The following JMY variants were observed in gnomAD, a reference collection of about 807,000 sequenced individuals.
JMY encodes junction-mediating and -regulatory protein.
Under a neutral mutation model 103.3 loss-of-function variants are expected in JMY, and 46 were observed. The observed-to-expected ratio is 0.45, with a 90% confidence interval of 0.35 to 0.57. The LOEUF is 0.57. JMY is among the 20% of genes least tolerant of loss of function. The pLI is 0.00. For synonymous variants in JMY, 526 were observed against 489.3 expected (o/e 1.07, Z -0.99); for missense variants, 1,238 against 1,255.2 (o/e 0.99, Z 0.21).
In JMY at chr5:79,237,053, G is replaced by T. The variant is rs1561284076; in HGVS notation, c.403G>T (p.Gly135Trp). 6.6e-7 allele frequency: 1 copy of T among 1,526,698 alleles called. No homozygotes were observed. The highest frequency in any genetic ancestry group is 2.1e-5 in the Admixed American group (1 of 48,226). 94.6% of individuals were successfully genotyped at this position (1,526,698 alleles called of 1,614,324 possible). Residue 135 changes from glycine to tryptophan, a missense_variant, in exon 1 of 11, where the codon GGG becomes TGG. By Grantham distance (184) the Gly-to-Trp change is radical (BLOSUM62 -2). Transcript: ENST00000396137. ...GCGGCTGCGGAGTCCTGGCAGCAAAGGGGCGGAGAGTCGTCTTAGGAGCCC... is the reference window on the plus strand; with the variant it reads ...GCGGCTGCGGAGTCCTGGCAGCAAATGGGCGGAGAGTCGTCTTAGGAGCCC... ...DPRLRSPGSK[G>W]AESRLRSPVR...
intron 1 of JMY, among the ~76,000 whole-genome samples, chr5:79,249,739 C>T (rs997386746): frequency 2.6e-5 from 4 of 152,078 alleles, no homozygotes; most frequent in African/African-American, 9.7e-5. Context: ...TTCAAGTTTT[C>T]CTTTTGTATT....
chr5:79,253,577 C>T (rs1448345230), intron 1 of JMY, among the ~76,000 whole-genome samples: 1 of 152,192 alleles, frequency 6.6e-6, no homozygotes, highest in Non-Finnish European at 1.5e-5. Context: ...TAGGCGTGAG[C>T]CACCGCCCAG....
At chr5:79,245,337 A>G (rs1744856283) in intron 1 of JMY, among the ~76,000 whole-genome samples, 1 of 152,188 alleles carries the variant, frequency 6.6e-6, no homozygotes. Flanking sequence ...AAAATTGGTC[A>G]TGAAGTCATC....
intron 1 of JMY, among the ~76,000 whole-genome samples, chr5:79,254,819 A>C (rs1257314330): frequency 6.7e-6 from 1 of 149,264 alleles, no homozygotes; most frequent in East Asian, 1.9e-4. Context: ...CTGCAGTCAC[A>C]CTTCATTGTT....
At chr5:79,315,019 C>T (rs562137339) in intron 9 of JMY, among the ~76,000 whole-genome samples, 168 bp downstream of exon 9, 2 of 152,270 alleles carry the variant, frequency 1.3e-5, no homozygotes, top group South Asian at 2.1e-4. Context: ...ATAAAGTACA[C>T]AGAAATGTAT....
chr5:79,292,758 G>C (rs1429378410), intron 4 of JMY, among the ~76,000 whole-genome samples: 1 of 152,168 alleles, frequency 6.6e-6, no homozygotes, highest in Non-Finnish European at 1.5e-5. Flanking sequence ...GAGGAAAAAC[G>C]AGCATGAAAT....
chr5:79,278,100 C>T lies in JMY; in HGVS notation c.1206+17C>T, dbSNP rs1380268335. On this transcript the variant is annotated intron_variant, in intron 2 of 10. Transcript: ENST00000396137. ...CAGATCAAGGTATTTTTTTATTAATCCTAACTAGTAGCCTGCCTGTTTCAT... is the reference window on the plus strand; with the variant it reads ...CAGATCAAGGTATTTTTTTATTAATTCTAACTAGTAGCCTGCCTGTTTCAT... 3.1e-6 allele frequency: 5 copies of T among 1,594,750 alleles called. No individual in the cohort carries two copies. Among genetic ancestry groups the T allele is most frequent in the Non-Finnish European group, 4.3e-6 (5 of 1,167,766 alleles).
intron 1 of JMY, among the ~76,000 whole-genome samples, chr5:79,240,299 C>T (rs1163425348): frequency 6.6e-6 from 1 of 151,818 alleles, no homozygotes. Flanking sequence ...CAGGCGTGAG[C>T]CACCGCACCC....
rs1463378968 is a variant in JMY, at chr5:79,323,587, T to TCAA, written c.*1988_*1990dup. 1 of 152,226 alleles carries TCAA rather than the reference T, an allele frequency of 6.6e-6. No individual in the cohort carries two copies. Among genetic ancestry groups the TCAA allele is most frequent in the Non-Finnish European group, 1.5e-5 (1 of 68,034 alleles). 9.4% of individuals were successfully genotyped at this position (152,226 alleles called of 1,614,324 possible). Reference sequence around the variant, plus strand: ...TATCCAGTTTTTACGTACCCATGTGTCAACATTTCATATATCCAGTTCTTT... The same window carrying TCAA: ...TATCCAGTTTTTACGTACCCATGTGTCAACAACATTTCATATATCCAGTTCTTT... On this transcript the variant is annotated 3_prime_UTR_variant, in exon 11 of 11. Transcript: ENST00000396137.
chr5:79,314,326 G>C lies in JMY; in HGVS notation c.2134G>C (p.Ala712Pro). ...RLAHARRKGA[A>P]SPVLQEDHCD... is the part of the protein sequence containing the mutation. Reference sequence around the variant, plus strand: ...AGCTCATGCAAGAAGAAAAGGTGCAGCAAGTCCTGTTCTCCAAGAGGATCA... The same window carrying C: ...AGCTCATGCAAGAAGAAAAGGTGCACCAAGTCCTGTTCTCCAAGAGGATCA... Residue 712 changes from alanine (A) to proline (P), a missense_variant, in exon 9 of 11, where the codon GCA (alanine) becomes CCA (proline). Coordinates refer to ENST00000396137, the MANE Select transcript of JMY (RefSeq NM_152405.5). 1 of 1,614,192 alleles carries C rather than the reference G, an allele frequency of 6.2e-7. No homozygotes were observed. The highest frequency in any genetic ancestry group is 8.5e-7 in the Non-Finnish European group (1 of 1,180,022).
At chr5:79,265,101 A>G (rs1376500795) in intron 1 of JMY, among the ~76,000 whole-genome samples, 1 of 151,812 alleles carries the variant, frequency 6.6e-6, no homozygotes, top group Non-Finnish European at 1.5e-5. Context: ...AATTTTTTGT[A>G]TTTTCAGTAG....
chr5:79,317,678 C>T (rs1747282435), intron 10 of JMY, among the ~76,000 whole-genome samples: 1 of 151,970 alleles, frequency 6.6e-6, no homozygotes, highest in African/African-American at 2.4e-5. Flanking sequence ...ATGTGTTAGC[C>T]CTGTGAATTA....
chr5:79,263,391 T>G lies in JMY; in HGVS notation c.1033-14519T>G, dbSNP rs116238719. Among the ~76,000 whole-genome samples the G allele has an allele frequency of 5.2e-3, 787 of 152,090 alleles. 8 individuals are homozygous for G. Among genetic ancestry groups the G allele is most frequent in the African/African-American group, 0.019 (774 of 41,496 alleles). On this transcript the variant is annotated intron_variant, in intron 1 of 10. Coordinates refer to ENST00000396137, the MANE Select transcript of JMY (RefSeq NM_152405.5). ...TGCACGGTCTTTGTTACAAACAGGT[T>G]TTTTGATTTTTTTTTTCTTTTCAGG...
At position 79,236,589 on chromosome 5, in the gene JMY, C is replaced by A; in HGVS notation, c.-62C>A. On this transcript the variant is annotated 5_prime_UTR_variant, in exon 1 of 11. Coordinates refer to ENST00000396137, the MANE Select transcript of JMY (RefSeq NM_152405.5). ...TGAGCGGGGGGCGCGGCGCAGCCAG[C>A]GGGGAGTCCTCGGGCGGGCCGGGCC... 2.4e-6 allele frequency: 3 copies of A among 1,248,478 alleles called. No homozygotes were observed. The highest frequency in any genetic ancestry group is 3.1e-6 in the Non-Finnish European group (3 of 973,194). 77.3% of individuals were successfully genotyped at this position (1,248,478 alleles called of 1,614,324 possible). A position where few individuals can be genotyped will look rare whatever the true frequency, so the allele number is the denominator to read the frequency against.
At chr5:79,271,371 G>A (rs1395423171) in intron 1 of JMY, among the ~76,000 whole-genome samples, 1 of 152,014 alleles carries the variant, frequency 6.6e-6, no homozygotes, top group Non-Finnish European at 1.5e-5. Context: ...TGTTTTTGCT[G>A]TTAGGCTAAA....
intron 1 of JMY, among the ~76,000 whole-genome samples, chr5:79,238,304 T>C (rs982800302): frequency 2.6e-5 from 4 of 152,132 alleles, no homozygotes; most frequent in Non-Finnish European, 5.9e-5. Flanking sequence ...TTCACTGCTG[T>C]TTTAGGTAGA....
intron 1 of JMY, among the ~76,000 whole-genome samples, chr5:79,274,907 C>T (rs189765717): frequency 5.3e-5 from 8 of 152,296 alleles, no homozygotes; most frequent in East Asian, 1.9e-4. Flanking sequence ...ACCTCCTTCA[C>T]GGAAGGCAGC....
intron 1 of JMY, among the ~76,000 whole-genome samples, chr5:79,253,189 T>A (rs575071878): frequency 2.6e-5 from 4 of 152,336 alleles, no homozygotes; most frequent in East Asian, 3.9e-4. Context: ...AATCTTAACT[T>A]TGTCTCCCCA....
At position 79,326,953 on chromosome 5, in the gene JMY, G is replaced by C. The variant is rs1273829504; in HGVS notation, c.*5351G>C. ...AAAGTACAGAGGAAAAACTAAGCAA[G>C]CATTTATAGCAATACCATGAAATCT... On this transcript the variant is annotated 3_prime_UTR_variant, in exon 11 of 11. Coordinates refer to ENST00000396137, the MANE Select transcript of JMY (RefSeq NM_152405.5). 6.6e-6 allele frequency: 1 copy of C among 152,204 alleles called. No homozygotes were observed. Among genetic ancestry groups the C allele is most frequent in the Non-Finnish European group, 1.5e-5 (1 of 68,044 alleles). 9.4% of individuals were successfully genotyped at this position (152,204 alleles called of 1,614,324 possible).
Sources: gnomAD v4.1 joint callset for allele counts (sites outside exome capture counted in the v4.1 genomes callset) on GRCh38, gnomAD v4.1.1 for gene constraint, MANE v1.5 for transcripts, NCBI Gene and HGNC (gene_info 2026-07-23, HGNC 2026-07-21) for gene names.